DLG2: variants seen among roughly 807,000 people sequenced by gnomAD.
DLG2 encodes discs large MAGUK scaffold protein 2.
A neutral mutation model predicts 132.5 loss-of-function variants in DLG2; 45 were observed. The ratio of observed to expected loss-of-function variants is 0.34; its 90% CI spans 0.27 to 0.44. DLG2 has a LOEUF of 0.44. DLG2 is among the 20% of genes least tolerant of loss of function. The pLI is 1.00. For synonymous variants in DLG2, 424 were observed against 419.6 expected (o/e 1.01, Z -0.13); for missense variants, 1,045 against 1,196.9 (o/e 0.87, Z 1.87).
At chr11:83,645,072 A>G (rs1039747739) in intron 18 of DLG2, among the ~76,000 whole-genome samples, 2 of 152,112 alleles carry the variant, frequency 1.3e-5, no homozygotes, top group Admixed American at 6.6e-5. Context: ...AATGGTGAAG[A>G]AGATGGGAAT....
At chr11:85,602,108 C>A (rs768047848) in intron 2 of DLG2, among the ~76,000 whole-genome samples, 9 of 152,226 alleles carry the variant, frequency 5.9e-5, no homozygotes, top group Non-Finnish European at 1.3e-4. Flanking sequence ...TCCACCCACC[C>A]TCAGTCTGCT....
chr11:83,474,894 G>A (rs1049825523), intron 22 of DLG2, among the ~76,000 whole-genome samples: 1 of 152,156 alleles, frequency 6.6e-6, no homozygotes. Context: ...TCTTTAATAA[G>A]ATATTTGATG....
At position 85,556,406 on chromosome 11, in the gene DLG2, T is replaced by G. The variant is rs1045298483; in HGVS notation, c.40+42251A>C. 2.0e-5 allele frequency among the ~76,000 whole-genome samples: 3 copies of G among 151,922 alleles called. No homozygotes were observed. The East Asian group carries it at 5.8e-4, about 29-fold the overall frequency. On this transcript the variant is annotated intron_variant, in intron 3 of 27. Transcript: ENST00000376104. ...ACAGGATTATATTGTAGTTTCTTCA[T>G]AATTTATAACTTTCCTTGGACATAC... is the stretch of plus-strand genomic sequence containing the variant.
intron 6 of DLG2, among the ~76,000 whole-genome samples, chr11:84,685,111 A>G (rs2099736984): frequency 6.6e-6 from 1 of 152,240 alleles, no homozygotes; most frequent in African/African-American, 2.4e-5. Flanking sequence ...GTTCCAGAGA[A>G]AAGAAGTGAG....
intron 6 of DLG2, among the ~76,000 whole-genome samples, chr11:84,540,063 T>C (rs1213491042): frequency 1.3e-5 from 2 of 152,236 alleles, no homozygotes; most frequent in East Asian, 3.9e-4. Flanking sequence ...AAGACTTAAA[T>C]GTTAGACCTA....
chr11:84,644,949 T>C (rs888413404), intron 6 of DLG2, among the ~76,000 whole-genome samples: 3 of 152,128 alleles, frequency 2.0e-5, no homozygotes, highest in African/African-American at 7.2e-5. Flanking sequence ...AAGAAACACA[T>C]ATCTCTCATT....
Position 85,366,618 on chromosome 11 carries a change from GAAATTAACATT to G in DLG2, c.41-81264_41-81254del, listed in dbSNP as rs1304583107. 4.6e-5 allele frequency among the ~76,000 whole-genome samples: 7 copies of G among 152,130 alleles called. No individual in the cohort carries two copies. In the East Asian group the frequency reaches 1.4e-3, roughly 29 times the overall value. ...ATATTTAGCTATTCTAAATAATACT[GAAATTAACATT>G]CTTATAAAGAAATTGTTAGCCATAT... On this transcript the variant is annotated intron_variant, in intron 3 of 27. Coordinates refer to ENST00000376104, the MANE Select transcript of DLG2 (RefSeq NM_001142699.3).
chr11:85,251,818 G>T (rs1159081431), intron 4 of DLG2, among the ~76,000 whole-genome samples: 1 of 151,944 alleles, frequency 6.6e-6, no homozygotes, highest in African/African-American at 2.4e-5. Context: ...TGTGATATTT[G>T]CAGTAACTTT....
chr11:84,263,015 G>A (rs1028305891), intron 7 of DLG2, among the ~76,000 whole-genome samples: 1 of 152,100 alleles, frequency 6.6e-6, no homozygotes, highest in African/African-American at 2.4e-5. Flanking sequence ...CTCCAGTCAA[G>A]GAATTATGTT....
intron 15 of DLG2, among the ~76,000 whole-genome samples, chr11:83,910,011 C>G (rs2075773183): frequency 6.6e-6 from 1 of 152,130 alleles, no homozygotes. Context: ...TCTAATTATG[C>G]TAGGCTCTAA....
intron 8 of DLG2, among the ~76,000 whole-genome samples, chr11:84,185,132 A>G (rs1170989588): frequency 6.6e-6 from 1 of 152,006 alleles, no homozygotes; most frequent in Non-Finnish European, 1.5e-5. Flanking sequence ...CTTGATGGGG[A>G]TGGCATTGAA....
intron 19 of DLG2, among the ~76,000 whole-genome samples, chr11:83,605,679 A>C (rs1340878748): frequency 1.3e-5 from 2 of 152,260 alleles, no homozygotes; most frequent in Admixed American, 6.5e-5. Flanking sequence ...TTAAAGGTGC[A>C]GCTGCTTCCT....
intron 3 of DLG2, among the ~76,000 whole-genome samples, chr11:85,369,016 T>G (rs960446130): frequency 6.6e-6 from 1 of 152,138 alleles, no homozygotes; most frequent in Non-Finnish European, 1.5e-5. Flanking sequence ...TGCAACATTT[T>G]TGGCACCAAA....
At chr11:83,495,368 A>G (rs966641788) in intron 21 of DLG2, among the ~76,000 whole-genome samples, 1 of 152,154 alleles carries the variant, frequency 6.6e-6, no homozygotes, top group African/African-American at 2.4e-5. Context: ...TCAGAATTGT[A>G]ATTGACAAAA....
At chr11:84,225,448 G>T (rs1364928929) in intron 8 of DLG2, among the ~76,000 whole-genome samples, 1 of 152,206 alleles carries the variant, frequency 6.6e-6, no homozygotes, top group African/African-American at 2.4e-5. Context: ...CCCAAAACCA[G>T]GAAGATCTCG....
intron 20 of DLG2, among the ~76,000 whole-genome samples, chr11:83,535,136 C>T (rs2095850033): frequency 6.6e-6 from 1 of 152,144 alleles, no homozygotes; most frequent in Non-Finnish European, 1.5e-5. Flanking sequence ...CACCTTTTCT[C>T]GATTTTAATC....
intron 6 of DLG2, among the ~76,000 whole-genome samples, chr11:84,990,450 C>G (rs2056969566): frequency 6.6e-6 from 1 of 152,118 alleles, no homozygotes; most frequent in Admixed American, 6.5e-5. Context: ...TGCAAGAATG[C>G]AGCAAATCAC....
At chr11:85,496,980 G>T (rs1291321018) in intron 3 of DLG2, among the ~76,000 whole-genome samples, 1 of 152,148 alleles carries the variant, frequency 6.6e-6, no homozygotes. Flanking sequence ...AGAAACCACA[G>T]CAGAAAGGCT....
chr11:85,198,635 A>G (rs559750447), intron 4 of DLG2, among the ~76,000 whole-genome samples: 60 of 152,324 alleles, frequency 3.9e-4, no homozygotes, highest in African/African-American at 1.4e-3. Flanking sequence ...TATATCTACA[A>G]CAAAAAGGTA....
Sources: gnomAD v4.1 joint callset for allele counts (sites outside exome capture counted in the v4.1 genomes callset) on GRCh38, gnomAD v4.1.1 for gene constraint, MANE v1.5 for transcripts, NCBI Gene and HGNC (gene_info 2026-07-23, HGNC 2026-07-21) for gene names.